The following MYO3B variants were observed in gnomAD, a reference collection of about 807,000 sequenced individuals.
MYO3B encodes myosin-IIIb.
In MYO3B, 156 loss-of-function variants were observed where a neutral mutation model predicts 174.6. The ratio of observed to expected loss-of-function variants is 0.89; its 90% confidence interval spans 0.78 to 1.02. The LOEUF (loss-of-function observed/expected upper bound fraction) is 1.02. MYO3B is among the 50% of genes least tolerant of loss of function. MYO3B has a pLI of 0.00. For missense variants in MYO3B, 1,632 were observed against 1,639.4 expected, an observed-to-expected ratio of 1.00 and a Z score of 0.08; for synonymous variants, 563 against 569.1, an observed-to-expected ratio of 0.99 and a Z score of 0.15.
At chr2:170,626,776 G>A (rs1210299900) in intron 32 of MYO3B, among the ~76,000 whole-genome samples, 2 of 152,192 alleles carry the variant, frequency 1.3e-5, no homozygotes, top group Non-Finnish European at 2.9e-5. Flanking sequence ...TTGCTTGTCT[G>A]TAAAGGATTT....
Position 170,383,158 on chromosome 2 carries a change from C to G in MYO3B, c.1154C>G (p.Pro385Arg), listed in dbSNP as rs757610625. 6.2e-7 allele frequency: 1 copy of G among 1,611,722 alleles called. No individual in the cohort carries two copies. Among genetic ancestry groups the G allele is most frequent in the Non-Finnish European group, 8.5e-7 (1 of 1,178,060 alleles). ...GGAGACATCTTAATTGCCTTAAACC[C>G]CTTCCAGAATCTAAGCATATACTCT... ...YVGDILIALN[P>R]FQNLSIYSPQ... Residue 385 changes from proline (P) to arginine (R), a missense_variant, in exon 11 of 35, where the codon CCC becomes CGC. Transcript: ENST00000408978.
intron 14 of MYO3B, among the ~76,000 whole-genome samples, chr2:170,388,369 C>T (rs891495224): frequency 1.3e-5 from 2 of 151,978 alleles, no homozygotes; most frequent in African/African-American, 2.4e-5. Context: ...GAGAAGGGAA[C>T]GACACATAAC....
rs146111007 is a variant in MYO3B at position 170,327,079 on chromosome 2, A to C, written c.750-8306A>C. Among the ~76,000 whole-genome samples the C allele has an allele frequency of 4.0e-3, 603 of 152,346 alleles. 3 individuals are homozygous for C. The highest frequency in any genetic ancestry group is 0.014 in the African/African-American group (583 of 41,588). On this transcript the variant is annotated intron_variant, in intron 7 of 34. Transcript: ENST00000408978. ...AGGTATAGGACCAAACAGGTCATTA[A>C]GAATCAGAATCAAAAGAATCAACAA...
intron 7 of MYO3B, among the ~76,000 whole-genome samples, chr2:170,265,871 T>C (rs2105359089): frequency 6.6e-6 from 1 of 152,252 alleles, no homozygotes; most frequent in Non-Finnish European, 1.5e-5. Flanking sequence ...GACAGAGGAA[T>C]TTTGTATGAA....
At chr2:170,593,402 C>G (rs150515878) in intron 32 of MYO3B, among the ~76,000 whole-genome samples, 1 of 152,124 alleles carries the variant, frequency 6.6e-6, no homozygotes, top group Non-Finnish European at 1.5e-5. Context: ...CATGCCTGGC[C>G]GCATCTCCAT....
intron 25 of MYO3B, among the ~76,000 whole-genome samples, chr2:170,481,253 T>C (rs1431854809): frequency 6.6e-6 from 1 of 152,238 alleles, no homozygotes; most frequent in Non-Finnish European, 1.5e-5. Context: ...TAATGTGTCA[T>C]CCAGGTAAGC....
At chr2:170,189,937 G>A (rs1024862668) in intron 1 of MYO3B, among the ~76,000 whole-genome samples, 3 of 152,122 alleles carry the variant, frequency 2.0e-5, no homozygotes, top group African/African-American at 4.8e-5. Context: ...TATTTACTGT[G>A]TTCTTCACAG....
intron 7 of MYO3B, among the ~76,000 whole-genome samples, chr2:170,314,924 A>G (rs1342509074): frequency 6.6e-6 from 1 of 152,220 alleles, no homozygotes; most frequent in Non-Finnish European, 1.5e-5. Context: ...ATGCTACTCA[A>G]GACTGGTCCA....
At chr2:170,359,818 A>G (rs1255651918) in intron 8 of MYO3B, among the ~76,000 whole-genome samples, 1 of 152,142 alleles carries the variant, frequency 6.6e-6, no homozygotes, top group African/African-American at 2.4e-5. Context: ...TTAAATTATT[A>G]TTATTTATGT....
At chr2:170,450,781 CTT>C (rs966995719) in intron 23 of MYO3B, among the ~76,000 whole-genome samples, 13 of 152,128 alleles carry the variant, frequency 8.5e-5, no homozygotes, top group Admixed American at 3.9e-4. Flanking sequence ...TCTTATAACT[CTT>C]TACAATTTTC....
intron 7 of MYO3B, among the ~76,000 whole-genome samples, chr2:170,272,082 C>CTTTTT (rs202163461): frequency 6.8e-6 from 1 of 147,326 alleles, no homozygotes; most frequent in Admixed American, 6.8e-5. Flanking sequence ...AGAAGGGAAA[C>CTTTTT]TTTTTTTTTT....
chr2:170,602,856 C>G (rs949069903), intron 32 of MYO3B, among the ~76,000 whole-genome samples: 2 of 152,090 alleles, frequency 1.3e-5, no homozygotes, highest in African/African-American at 2.4e-5. Context: ...CACCTGAGGT[C>G]GGGAGTTTGA....
In MYO3B at chr2:170,392,461, AGCATT is replaced by A; in HGVS notation, c.1760_1764del (p.His587LeufsTer28). 6.3e-7 allele frequency: 1 copy of A among 1,596,708 alleles called. No homozygotes were observed. Among genetic ancestry groups the A allele is most frequent in the Non-Finnish European group, 8.6e-7 (1 of 1,169,052 alleles). On this transcript the variant is annotated frameshift_variant, in exon 16 of 35. Coordinates refer to ENST00000408978, the MANE Select transcript of MYO3B (RefSeq NM_138995.5). LOFTEE classifies it high-confidence loss of function. Reference sequence around the variant, plus strand: ...TACAGAAGACAATTCGAAGCAATTCAGCATTGCTTCAGGATTATAGGGTTCACGGA... The same window carrying A: ...TACAGAAGACAATTCGAAGCAATTCAGCTTCAGGATTATAGGGTTCACGGA...
At chr2:170,189,469 T>C (rs1006639573) in intron 1 of MYO3B, among the ~76,000 whole-genome samples, 2 of 152,114 alleles carry the variant, frequency 1.3e-5, no homozygotes, top group African/African-American at 2.4e-5. Context: ...AGATTTGCCC[T>C]TTTGAGGCTA....
intron 7 of MYO3B, among the ~76,000 whole-genome samples, chr2:170,239,695 A>G (rs2093109575): frequency 6.6e-6 from 1 of 152,210 alleles, no homozygotes; most frequent in Non-Finnish European, 1.5e-5. Flanking sequence ...GCAGTACACA[A>G]TTCAAAAAAA....
intron 7 of MYO3B, among the ~76,000 whole-genome samples, chr2:170,254,432 CG>C (rs887993216): frequency 5.3e-5 from 8 of 152,014 alleles, no homozygotes; most frequent in African/African-American, 1.9e-4. Flanking sequence ...CTGCGGGACT[CG>C]GGGGGGCGCA....
chr2:170,389,025 C>T (rs921583159), intron 14 of MYO3B, among the ~76,000 whole-genome samples: 3 of 152,110 alleles, frequency 2.0e-5, no homozygotes, highest in Non-Finnish European at 4.4e-5. Flanking sequence ...GCATAGTGTT[C>T]TGTGTTCAAA....
At chr2:170,258,837 G>C (rs984134988) in intron 7 of MYO3B, among the ~76,000 whole-genome samples, 4 of 151,946 alleles carry the variant, frequency 2.6e-5, no homozygotes, top group East Asian at 3.8e-4. Context: ...CACCTAAAAG[G>C]CTCCTAGAAC....
intron 6 of MYO3B, among the ~76,000 whole-genome samples, chr2:170,229,494 T>A (rs1230948525): frequency 6.6e-6 from 1 of 152,238 alleles, no homozygotes; most frequent in Non-Finnish European, 1.5e-5. Flanking sequence ...CCTAATTACA[T>A]TTTTAATGAC....
Sources: gnomAD v4.1 joint callset for allele counts (sites outside exome capture counted in the v4.1 genomes callset) on GRCh38, gnomAD v4.1.1 for gene constraint, MANE v1.5 for transcripts, NCBI Gene and HGNC (gene_info 2026-07-23, HGNC 2026-07-21) for gene names.